TRIM13: variants seen among roughly 807,000 people sequenced by gnomAD.
The protein encoded by TRIM13 is E3 ubiquitin-protein ligase TRIM13.
Under a neutral mutation model 27.1 loss-of-function variants are expected in TRIM13, and 15 were observed. The ratio of observed to expected loss-of-function variants is 0.55; its 90% CI spans 0.37 to 0.85. The LOEUF is 0.85. Ranked by LOEUF, TRIM13 falls within the 40% of genes least tolerant of loss-of-function variation. The pLI, the probability that TRIM13 is intolerant of heterozygous loss-of-function variation, is 0.00. For synonymous variants in TRIM13, 193 were observed against 171.5 expected (o/e 1.13, Z -0.98); for missense variants, 402 against 472.2 (o/e 0.85, Z 1.38).
rs143442425 is a variant in TRIM13 at position 50,017,701 on chromosome 13, AT to A, written c.*4538del. On this transcript the variant is annotated 3_prime_UTR_variant, in exon 2 of 2. Transcript: ENST00000378182. ...TAGCCAATCTGAATACGGTGAAATT[AT>A]GGGGATCTCTGGTGATTGGGATGAA... The A allele has an allele frequency of 1.0e-4, 17 of 167,210 alleles. No homozygotes were observed. Among genetic ancestry groups the A allele is most frequent in the African/African-American group, 2.9e-4 (12 of 41,590 alleles). The allele number at this position is 167,210 out of a possible 1,614,324, so 10.4% of individuals were successfully genotyped here.
In TRIM13 at chr13:50,003,807, CTG is replaced by C. The variant is rs1474547216; in HGVS notation, c.-7+6046_-7+6047del. On this transcript the variant is annotated intron_variant, in intron 1 of 1. Coordinates refer to ENST00000378182, the MANE Select transcript of TRIM13 (RefSeq NM_213590.3). ...GTATGCAACTTTGTTAAAAATAAAA[CTG>C]TAAATCAAAAAGTGAATTTCATTGT... Among the ~76,000 whole-genome samples the C allele has an allele frequency of 6.6e-5, 10 of 152,096 alleles. No individual in the cohort carries two copies. In the South Asian group the frequency reaches 1.0e-3, roughly 16 times the overall value.
rs1421465918 is a variant in TRIM13, at chr13:50,015,656, G to A, written c.*2492G>A. 6.2e-7 allele frequency: 1 copy of A among 1,614,002 alleles called. No individual in the cohort carries two copies. Among genetic ancestry groups the A allele is most frequent in the East Asian group, 2.2e-5 (1 of 44,894 alleles). ...TGGCCAGATTTTTGTAGACAGAGAT[G>A]GTGATTTGTTTAGTTTCATCTTAGA... On this transcript the variant is annotated 3_prime_UTR_variant, in exon 2 of 2. Transcript: ENST00000378182.
chr13:50,006,112 A>G (rs1874678057), intron 1 of TRIM13, among the ~76,000 whole-genome samples: 1 of 151,214 alleles, frequency 6.6e-6, no homozygotes, highest in Non-Finnish European at 1.5e-5. Flanking sequence ...TAGAGGATCT[A>G]TTGTAATTTT....
intron 1 of TRIM13, among the ~76,000 whole-genome samples, chr13:49,999,710 G>A (rs1476084346): frequency 1.3e-5 from 2 of 152,058 alleles, no homozygotes; most frequent in African/African-American, 4.8e-5. Context: ...GGATAAAACT[G>A]GTGCTTGAAC....
chr13:50,010,567 C>A (rs568954797), intron 1 of TRIM13, among the ~76,000 whole-genome samples: 3 of 152,288 alleles, frequency 2.0e-5, no homozygotes, highest in East Asian at 3.9e-4. Flanking sequence ...TTATACAGTA[C>A]TCCTTTCCCC....
At position 50,012,783 on chromosome 13, in the gene TRIM13, T is replaced by G. The variant is rs748391697; in HGVS notation, c.843T>G (p.Phe281Leu). The part of the protein sequence containing the change: ...NLPASPLMKN[F>L]DTSQWEDIKL... Reference sequence around the variant, plus strand: ...CTGCAAGCCCTTTAATGAAGAACTTTGATACCAGTCAGTGGGAAGACATAA... The same window carrying G: ...CTGCAAGCCCTTTAATGAAGAACTTGGATACCAGTCAGTGGGAAGACATAA... The change falls in exon 2 of 2, where the codon TTT becomes TTG. Residue 281 changes from phenylalanine to leucine, a missense_variant. Phe to Leu is a conservative substitution (Grantham distance 22, BLOSUM62 0). Around this residue, in one of 2 missense-constraint regions of TRIM13, gnomAD observed 200 missense variants for 194.7 expected, o/e 1.03. Coordinates refer to ENST00000378182, the MANE Select transcript of TRIM13 (RefSeq NM_213590.3). The G allele has an allele frequency of 1.2e-6, 2 of 1,614,094 alleles. No individual in the cohort carries two copies. The highest frequency in any genetic ancestry group is 1.3e-5 in the African/African-American group (1 of 75,046).
At position 50,017,891 on chromosome 13, in the gene TRIM13, G is replaced by T. The variant is rs898875135; in HGVS notation, c.*4727G>T. On this transcript the variant is annotated 3_prime_UTR_variant, in exon 2 of 2. Transcript: ENST00000378182. ...CCTAATTGGTGCCTAATTGTCTGGT[G>T]TATCATTCACTTTATTCAGTTTGTT... 6.0e-6 allele frequency: 1 copy of T among 167,064 alleles called. No individual in the cohort carries two copies. Among genetic ancestry groups the T allele is most frequent in the Admixed American group, 6.5e-5 (1 of 15,282 alleles). 10.3% of individuals were successfully genotyped at this position (167,064 alleles called of 1,614,324 possible).
At chr13:50,011,051 C>G (rs1465381172) in intron 1 of TRIM13, among the ~76,000 whole-genome samples, 1 of 152,174 alleles carries the variant, frequency 6.6e-6, no homozygotes, top group Non-Finnish European at 1.5e-5. Flanking sequence ...AACCGGTACT[C>G]CAACCCCAAT....
rs1876067859 is a variant in TRIM13, at chr13:50,014,343, A to AAAAAAT, written c.*1181_*1182insAAATAA. On this transcript the variant is annotated 3_prime_UTR_variant, in exon 2 of 2. Transcript: ENST00000378182. ...AAAAAAAAAAAAAAAAAAAAAAAAA[A>AAAAAAT]AATATATATATATATATACACACAC... 2 of 60,200 alleles carry AAAAAAT rather than the reference A, an allele frequency of 3.3e-5. No homozygotes were observed. Among genetic ancestry groups the AAAAAAT allele is most frequent in the South Asian group, 1.4e-3 (2 of 1,430 alleles). The allele number at this position is 60,200 out of a possible 1,614,324, so 3.7% of individuals were successfully genotyped here. A position where few individuals can be genotyped will look rare whatever the true frequency, so the allele number is the denominator to read the frequency against.
chr13:50,011,690 T>C (rs1875662250), intron 1 of TRIM13, among the ~76,000 whole-genome samples: 1 of 152,190 alleles, frequency 6.6e-6, no homozygotes, highest in Non-Finnish European at 1.5e-5. Context: ...AGCCAAAGAC[T>C]GTTGTTGGAA....
At chr13:50,000,828 G>A (rs893635798) in intron 1 of TRIM13, among the ~76,000 whole-genome samples, 2 of 152,004 alleles carry the variant, frequency 1.3e-5, no homozygotes, top group Non-Finnish European at 2.9e-5. Flanking sequence ...GTTTCAGTAT[G>A]GTGTCAATAT....
rs1359360166 is a variant in TRIM13, at chr13:50,012,023, ACTT to A, written c.86_88del (p.Phe29del). ...CCACGGGTTTTGCCTTGCTCCCACA[ACTT>A]CTGCAAAAAATGCTTAGAAGGTATC... On this transcript the variant is annotated inframe_deletion, in exon 2 of 2. Transcript: ENST00000378182. The A allele has an allele frequency of 6.2e-7, 1 of 1,613,912 alleles. No homozygotes were observed. The highest frequency in any genetic ancestry group is 8.5e-7 in the Non-Finnish European group (1 of 1,179,962).
Position 50,012,321 on chromosome 13 carries a change from C to T in TRIM13, c.381C>T (p.Val127=). The T allele has an allele frequency of 1.9e-6, 3 of 1,614,134 alleles. No individual in the cohort carries two copies. The highest frequency in any genetic ancestry group is 1.7e-6 in the Non-Finnish European group (2 of 1,180,000). The change falls in exon 2 of 2, where the codon GTC becomes GTT. Residue 127 remains valine (V), a synonymous_variant. Coordinates refer to ENST00000378182, the MANE Select transcript of TRIM13 (RefSeq NM_213590.3). ...CTCGTGGGGAGCACACCAAACATGT[C>T]TTCTGTTCTATTGAAGATGCCTATG... ...CATRGEHTKH[V]FCSIEDAYAQ... is the part of the protein sequence containing the mutation.
intron 1 of TRIM13, among the ~76,000 whole-genome samples, chr13:50,006,697 T>C (rs1391321796): frequency 6.6e-6 from 1 of 152,158 alleles, no homozygotes; most frequent in Non-Finnish European, 1.5e-5. Context: ...AAGTTGAGTC[T>C]TTATAGCCAT....
chr13:50,016,031 T>A lies in TRIM13; in HGVS notation c.*2867T>A. On this transcript the variant is annotated 3_prime_UTR_variant, in exon 2 of 2. Coordinates refer to ENST00000378182, the MANE Select transcript of TRIM13 (RefSeq NM_213590.3). The stretch of plus-strand genomic sequence containing the variant: ...TTCTTACCATGACCTGGTTTTCCAG[T>A]GTGGTTCTGACAGCACTACTGATAA... 2 of 1,614,124 alleles carry A rather than the reference T, an allele frequency of 1.2e-6. No individual in the cohort carries two copies. Among genetic ancestry groups the A allele is most frequent in the Non-Finnish European group, 1.7e-6 (2 of 1,179,952 alleles).
At chr13:50,000,497 C>T (rs1208197810) in intron 1 of TRIM13, among the ~76,000 whole-genome samples, 2 of 152,132 alleles carry the variant, frequency 1.3e-5, no homozygotes, top group African/African-American at 4.8e-5. Context: ...GCAACAAGAA[C>T]AAACCCATAA....
chr13:50,018,077 G>C lies in TRIM13; in HGVS notation c.*4913G>C, dbSNP rs547941216. 9.6e-5 allele frequency: 16 copies of C among 167,136 alleles called. No individual in the cohort carries two copies. Among genetic ancestry groups the C allele is most frequent in the African/African-American group, 3.9e-4 (16 of 41,558 alleles). The allele number at this position is 167,136 out of a possible 1,614,324, so 10.4% of individuals were successfully genotyped here. ...TCACAGGATTCTAAAGTCTTTATTT[G>C]ACTTCTCCTTTTTGAACTGGCTCAA... On this transcript the variant is annotated 3_prime_UTR_variant, in exon 2 of 2. Coordinates refer to ENST00000378182, the MANE Select transcript of TRIM13 (RefSeq NM_213590.3).
In TRIM13 at chr13:50,015,064, C is replaced by T. The variant is rs1876202173; in HGVS notation, c.*1900C>T. Reference sequence around the variant, plus strand: ...GTATGGGGAGGGAGAATGCTTTTCCCCTCCCAGTAATAAAAAAAAAAAAAA... The same window carrying T: ...GTATGGGGAGGGAGAATGCTTTTCCTCTCCCAGTAATAAAAAAAAAAAAAA... On this transcript the variant is annotated 3_prime_UTR_variant, in exon 2 of 2. Transcript: ENST00000378182. 1 of 117,782 alleles carries T rather than the reference C, an allele frequency of 8.5e-6. No individual in the cohort carries two copies. Among genetic ancestry groups the T allele is most frequent in the Non-Finnish European group, 1.9e-5 (1 of 52,722 alleles). 7.3% of individuals were successfully genotyped at this position (117,782 alleles called of 1,614,324 possible).
rs1876572900 is a variant in TRIM13, at chr13:50,016,343, G to A, written c.*3179G>A. ...GACTATGGACATTCAAATCATGGGA[G>A]AAAATAATTTTGTAGATTATGTTCC... On this transcript the variant is annotated 3_prime_UTR_variant, in exon 2 of 2. Coordinates refer to ENST00000378182, the MANE Select transcript of TRIM13 (RefSeq NM_213590.3). 3 of 366,556 alleles carry A rather than the reference G, an allele frequency of 8.2e-6. No homozygotes were observed. Among genetic ancestry groups the A allele is most frequent in the Non-Finnish European group, 1.5e-5 (3 of 194,118 alleles). 22.7% of individuals were successfully genotyped at this position (366,556 alleles called of 1,614,324 possible).
Sources: allele counts gnomAD v4.1 joint callset (sites outside exome capture counted in the v4.1 genomes callset), GRCh38; gene constraint gnomAD v4.1.1; regional missense constraint gnomAD v4.1.1; transcripts MANE v1.5; gene names NCBI Gene and HGNC (gene_info 2026-07-23, HGNC 2026-07-21).